Variants in PPP1R12A observed in about 807,000 individuals in gnomAD.
PPP1R12A encodes protein phosphatase 1 regulatory subunit 12A.
PPP1R12A carries 19 observed loss-of-function variants against 139.6 expected under a neutral mutation model. The ratio of observed to expected loss-of-function variants is 0.14; its 90% CI spans 0.09 to 0.20. The LOEUF is 0.20. Among genes scored for constraint, PPP1R12A ranks in the 10% least tolerant of loss-of-function variants. The probability of loss-of-function intolerance (pLI) is 1.00; values close to 1 mark genes in which losing one functional copy is unlikely to be tolerated. For synonymous variants in PPP1R12A, 427 were observed against 420.6 expected, an observed-to-expected ratio of 1.02 and a Z score of -0.19; for missense variants, 925 against 1,211.5, an observed-to-expected ratio of 0.76 and a Z score of 3.51.
At chr12:79,802,308 GA>G (rs1873285794) in intron 14 of PPP1R12A, among the ~76,000 whole-genome samples, 4 of 152,186 alleles carry the variant, frequency 2.6e-5, no homozygotes, top group African/African-American at 9.7e-5. Context: ...AGTAAATATA[GA>G]AAAGTGCTCC....
chr12:79,797,013 C>T, intron 16 of PPP1R12A, 63 bp from the exon 17 acceptor site: 1 of 1,494,990 alleles, frequency 6.7e-7, no homozygotes, highest in South Asian at 1.3e-5. Flanking sequence ...CATAAAAATA[C>T]TTAAAAATTC....
chr12:79,904,226 A>G (rs1306076220), intron 1 of PPP1R12A, among the ~76,000 whole-genome samples: 1 of 151,836 alleles, frequency 6.6e-6, no homozygotes, highest in Non-Finnish European at 1.5e-5. Context: ...AAAAAAAAAA[A>G]GGAGTGTATC....
At chr12:79,842,614 TGA>T (rs1565772507) in intron 3 of PPP1R12A, among the ~76,000 whole-genome samples, 1 of 149,734 alleles carries the variant, frequency 6.7e-6, no homozygotes, top group Non-Finnish European at 1.5e-5. Flanking sequence ...TGTGTGTGTG[TGA>T]GTCCTGCCCA....
chr12:79,907,183 G>A (rs1886200123), intron 1 of PPP1R12A, among the ~76,000 whole-genome samples: 1 of 152,066 alleles, frequency 6.6e-6, no homozygotes, highest in African/African-American at 2.4e-5. Flanking sequence ...AAGATTATAA[G>A]AAAATTAAAA....
intron 2 of PPP1R12A, among the ~76,000 whole-genome samples, chr12:79,858,587 G>A (rs1880952874): frequency 6.6e-6 from 1 of 152,176 alleles, no homozygotes; most frequent in Non-Finnish European, 1.5e-5. Flanking sequence ...CTGAGCCTGA[G>A]CTCTTAACTC....
chr12:79,875,819 T>C (rs934746307), intron 1 of PPP1R12A, among the ~76,000 whole-genome samples: 2 of 152,208 alleles, frequency 1.3e-5, no homozygotes, highest in African/African-American at 4.8e-5. Context: ...TACCTTTATC[T>C]ACCCATCCCC....
At chr12:79,918,841 T>C (rs1246924511) in intron 1 of PPP1R12A, among the ~76,000 whole-genome samples, 1 of 152,190 alleles carries the variant, frequency 6.6e-6, no homozygotes, top group Non-Finnish European at 1.5e-5. Context: ...ACTGGCCAGG[T>C]GCAGTGGCTC....
chr12:79,898,622 C>T (rs558587447), intron 1 of PPP1R12A, among the ~76,000 whole-genome samples: 1 of 150,284 alleles, frequency 6.7e-6, no homozygotes, highest in East Asian at 1.9e-4. Context: ...CTACCACTCA[C>T]AAACTGAACT....
In PPP1R12A at chr12:79,795,005, T is replaced by C. The variant is rs540225602; in HGVS notation, c.2583+633A>G. On this transcript the variant is annotated intron_variant, in intron 18 of 24. Coordinates refer to ENST00000450142, the MANE Select transcript of PPP1R12A (RefSeq NM_002480.3). ...AACATGGGGGCAATCTACACTGCTG[T>C]TTTTATTCATCATTCTGAGTGGTGA... Among the ~76,000 whole-genome samples, 44 of 152,070 alleles carry C rather than the reference T, an allele frequency of 2.9e-4. 1 individual carries two copies. Among genetic ancestry groups the C allele is most frequent in the Non-Finnish European group, 5.7e-4 (39 of 67,966 alleles).
chr12:79,888,201 C>G (rs551201334), intron 1 of PPP1R12A, among the ~76,000 whole-genome samples: 1 of 152,050 alleles, frequency 6.6e-6, no homozygotes. Context: ...ACTAAACACA[C>G]AACAACAAAA....
At chr12:79,878,115 T>C (rs1477594747) in intron 1 of PPP1R12A, among the ~76,000 whole-genome samples, 3 of 152,024 alleles carry the variant, frequency 2.0e-5, no homozygotes, top group African/African-American at 7.2e-5. Context: ...TGGGGTGATT[T>C]TTAGATAGGG....
At chr12:79,894,578 C>G (rs1378626074) in intron 1 of PPP1R12A, among the ~76,000 whole-genome samples, 1 of 151,852 alleles carries the variant, frequency 6.6e-6, no homozygotes, top group Non-Finnish European at 1.5e-5. Context: ...TCATAGATCC[C>G]AAAAATGTTC....
At chr12:79,918,041 CATA>C (rs1452627663) in intron 1 of PPP1R12A, among the ~76,000 whole-genome samples, 8 of 151,972 alleles carry the variant, frequency 5.3e-5, no homozygotes, top group South Asian at 2.1e-4. Flanking sequence ...CTGCCACATA[CATA>C]ATATCATAAA....
In PPP1R12A at chr12:79,859,354, G is replaced by GAA. The variant is rs1160349807; in HGVS notation, c.368+13452_368+13453dup. Among the ~76,000 whole-genome samples the GAA allele has an allele frequency of 3.7e-4, 15 of 40,158 alleles. 1 individual carries two copies. Among genetic ancestry groups the GAA allele is most frequent in the South Asian group, 8.4e-4 (1 of 1,192 alleles). 26.3% of individuals were successfully genotyped at this position (40,158 alleles called of 152,430 possible). A position where few individuals can be genotyped will look rare whatever the true frequency, so the allele number is the denominator to read the frequency against. On this transcript the variant is annotated intron_variant, in intron 2 of 24. Transcript: ENST00000450142. Reference sequence around the variant, plus strand: ...TCTGTCTTTAAAAAAAAAAAAGAAAGAAAAAAAAAAAAAAACAACAGTGCT... The same window carrying GAA: ...TCTGTCTTTAAAAAAAAAAAAGAAAGAAAAAAAAAAAAAAAAACAACAGTGCT...
intron 5 of PPP1R12A, among the ~76,000 whole-genome samples, chr12:79,824,538 C>T (rs1876525778): frequency 6.6e-6 from 1 of 152,134 alleles, no homozygotes; most frequent in Admixed American, 6.5e-5. Flanking sequence ...ACTTTGCAAA[C>T]AGCAGCTGAT....
At chr12:79,876,162 G>C (rs1356115233) in intron 1 of PPP1R12A, among the ~76,000 whole-genome samples, 2 of 152,146 alleles carry the variant, frequency 1.3e-5, no homozygotes, top group Non-Finnish European at 2.9e-5. Flanking sequence ...TTCTTGGACA[G>C]CATACTAAAA....
At chr12:79,903,714 G>A (rs1023424014) in intron 1 of PPP1R12A, among the ~76,000 whole-genome samples, 2 of 151,912 alleles carry the variant, frequency 1.3e-5, no homozygotes, top group East Asian at 1.9e-4. Flanking sequence ...CTAGTTTCAC[G>A]CATAAATGCT....
At chr12:79,780,989 T>C (rs1246014457) in intron 23 of PPP1R12A, among the ~76,000 whole-genome samples, 1 of 152,182 alleles carries the variant, frequency 6.6e-6, no homozygotes, top group East Asian at 1.9e-4. Context: ...AAAATGTTTT[T>C]ATATCAATAG....
intron 1 of PPP1R12A, among the ~76,000 whole-genome samples, chr12:79,882,667 AAAG>A (rs1228160552): frequency 6.6e-6 from 1 of 152,198 alleles, no homozygotes; most frequent in African/African-American, 2.4e-5. Context: ...TCCAATTCTG[AAAG>A]AAGTTCTACT....
Sources: allele counts gnomAD v4.1 joint callset (sites outside exome capture counted in the v4.1 genomes callset), GRCh38; gene constraint gnomAD v4.1.1; transcripts MANE v1.5; gene names NCBI Gene and HGNC (gene_info 2026-07-23, HGNC 2026-07-21).